The following PLXNA4 variants were observed in gnomAD, a reference collection of about 807,000 sequenced individuals.
The protein encoded by PLXNA4 is plexin A4.
PLXNA4 carries 44 observed loss-of-function variants against 191.8 expected under a neutral mutation model. The ratio of observed to expected loss-of-function variants is 0.23; its 90% CI spans 0.18 to 0.29. The LOEUF (loss-of-function observed/expected upper bound fraction) is 0.29. Among genes scored for constraint, PLXNA4 ranks in the 10% least tolerant of loss-of-function variants. PLXNA4 has a pLI of 1.00. For synonymous variants in PLXNA4, 1,082 were observed against 1,009.5 expected (o/e 1.07, Z -1.36); for missense variants, 1,800 against 2,488.8 (o/e 0.72, Z 5.89).
intron 4 of PLXNA4, 115 bp downstream of exon 4, chr7:132,297,976 C>T (rs1475316292): frequency 3.7e-6 from 5 of 1,368,636 alleles, no homozygotes; most frequent in East Asian, 2.3e-5. Flanking sequence ...AAGATACATA[C>T]TACGCCAAAT....
At chr7:132,274,058 G>C (rs566291137) in intron 4 of PLXNA4, among the ~76,000 whole-genome samples, 36 of 152,024 alleles carry the variant, frequency 2.4e-4, no homozygotes, top group South Asian at 2.3e-3. Context: ...CGTGTTGAGT[G>C]AAAGAAGCCA....
intron 1 of PLXNA4, among the ~76,000 whole-genome samples, chr7:132,552,466 G>A (rs1800605860): frequency 6.6e-6 from 1 of 152,326 alleles, no homozygotes; most frequent in African/African-American, 2.4e-5. Flanking sequence ...GCTAGGCACT[G>A]GGAAATGAAG....
At chr7:132,401,127 A>G (rs1393817269) in intron 3 of PLXNA4, among the ~76,000 whole-genome samples, 1 of 152,200 alleles carries the variant, frequency 6.6e-6, no homozygotes, top group Non-Finnish European at 1.5e-5. Flanking sequence ...CACACTCGCC[A>G]ATGCAAAAAA....
intron 1 of PLXNA4, among the ~76,000 whole-genome samples, chr7:132,575,852 G>T (rs1802199739): frequency 1.3e-5 from 2 of 152,152 alleles, no homozygotes. Flanking sequence ...CCGCCCTACA[G>T]AACTGCAGCC....
chr7:132,365,282 T>C (rs1029985611), intron 3 of PLXNA4, among the ~76,000 whole-genome samples: 6 of 151,960 alleles, frequency 3.9e-5, no homozygotes, highest in African/African-American at 1.5e-4. Context: ...AAGGTGTCCC[T>C]TCAGGGGTTT....
At chr7:132,146,483 C>T in intron 28 of PLXNA4, 27 bp downstream of exon 28, 1 of 1,614,132 alleles carries the variant, frequency 6.2e-7, no homozygotes. Flanking sequence ...CTCTGGGCTC[C>T]CTGCACCCAG....
intron 1 of PLXNA4, among the ~76,000 whole-genome samples, chr7:132,568,456 C>T (rs12536884): frequency 0.038 from 5,813 of 152,266 alleles, 258 homozygotes; most frequent in African/African-American, 0.1. Context: ...GAGTACCCTG[C>T]CCTGTCTTGC....
intron 1 of PLXNA4, among the ~76,000 whole-genome samples, chr7:132,562,015 C>CTTT (rs1801158141): frequency 9.8e-6 from 1 of 102,346 alleles, no homozygotes; most frequent in Admixed American, 9.9e-5. Flanking sequence ...TCCTCCTACT[C>CTTT]CTCCTCCTCC....
At chr7:132,224,905 T>A (rs1016984504) in intron 8 of PLXNA4, among the ~76,000 whole-genome samples, 1 of 152,182 alleles carries the variant, frequency 6.6e-6, no homozygotes, top group East Asian at 1.9e-4. Context: ...CTACCTATCA[T>A]GCATGGAGGG....
At chr7:132,605,474 T>C (rs1802905307) in intron 2 of PLXNA4, among the ~76,000 whole-genome samples, 1 of 151,882 alleles carries the variant, frequency 6.6e-6, no homozygotes, top group Non-Finnish European at 1.5e-5. Context: ...TGATAAGTGG[T>C]GGAAAGGTCA....
chr7:132,445,157 G>GAAA (rs71529762), intron 3 of PLXNA4, among the ~76,000 whole-genome samples: 5,947 of 53,734 alleles, frequency 0.11, 749 homozygotes, highest in East Asian at 0.18. Flanking sequence ...TCCATCTCAG[G>GAAA]AAAAAAAAAA....
intron 18 of PLXNA4, 54 bp downstream of exon 18, chr7:132,181,327 C>G: frequency 2.5e-6 from 4 of 1,605,474 alleles, no homozygotes; most frequent in Non-Finnish European, 3.4e-6. Flanking sequence ...ACACCCCCTT[C>G]CATGCAGCAG....
intron 7 of PLXNA4, among the ~76,000 whole-genome samples, chr7:132,226,995 C>T (rs912084537): frequency 2.6e-5 from 4 of 152,228 alleles, no homozygotes; most frequent in African/African-American, 9.6e-5. Flanking sequence ...GCAGCTTGCC[C>T]CCAACAACAG....
At chr7:132,414,168 C>T (rs1794571214) in intron 3 of PLXNA4, among the ~76,000 whole-genome samples, 1 of 152,194 alleles carries the variant, frequency 6.6e-6, no homozygotes, top group African/African-American at 2.4e-5. Flanking sequence ...CTTGTAAGGA[C>T]ATGAGTCCAA....
chr7:132,390,690 C>T lies in PLXNA4; in HGVS notation c.1372-92468G>A, dbSNP rs143401784. On this transcript the variant is annotated intron_variant, in intron 3 of 31. Transcript: ENST00000321063. ...ATCATGGCCCCCGCTTCTTCTCTGC[C>T]CCATGAGTCCCAGCCCCCTTCTGCC... is the stretch of plus-strand genomic sequence containing the variant. 1.5e-3 allele frequency among the ~76,000 whole-genome samples: 223 copies of T among 152,182 alleles called. 2 individuals carry two copies. Among genetic ancestry groups the T allele is most frequent in the Admixed American group, 2.3e-3 (35 of 15,300 alleles).
At position 132,582,932 on chromosome 7, in the gene PLXNA4, T is replaced by A. The variant is rs138580470; in HGVS notation, c.-87+62996A>T. On this transcript the variant is annotated intron_variant, in intron 2 of 4. Transcript: ENST00000378539. Reference sequence around the variant, plus strand: ...CTGGGCAGGACTGGGCACCAATAGATGTCCTGCCAGTCACTCCCTTCAGAG... The same window carrying A: ...CTGGGCAGGACTGGGCACCAATAGAAGTCCTGCCAGTCACTCCCTTCAGAG... Among the ~76,000 whole-genome samples, 3 of 152,304 alleles carry A rather than the reference T, an allele frequency of 2.0e-5. No individual in the cohort carries two copies. The East Asian group carries it at 5.8e-4, about 29-fold the overall frequency.
intron 1 of PLXNA4, among the ~76,000 whole-genome samples, chr7:132,553,271 G>A (rs999562772): frequency 2.6e-5 from 4 of 152,206 alleles, no homozygotes; most frequent in African/African-American, 9.6e-5. Context: ...TAAAGGAAGT[G>A]TGGGGACATG....
chr7:132,241,413 A>G (rs1300386612), intron 4 of PLXNA4, among the ~76,000 whole-genome samples: 1 of 152,212 alleles, frequency 6.6e-6, no homozygotes, highest in African/African-American at 2.4e-5. Context: ...GACTCCATAC[A>G]GTCCATACTA....
intron 1 of PLXNA4, among the ~76,000 whole-genome samples, chr7:132,527,019 T>A (rs888868989): frequency 2.6e-5 from 4 of 152,212 alleles, no homozygotes; most frequent in African/African-American, 9.6e-5. Flanking sequence ...TTTATTTCAC[T>A]TTTATCACCC....
Sources: allele counts gnomAD v4.1 joint callset (sites outside exome capture counted in the v4.1 genomes callset), GRCh38; gene constraint gnomAD v4.1.1; transcripts MANE v1.5; gene names NCBI Gene and HGNC (gene_info 2026-07-23, HGNC 2026-07-21).